CREB5: variants seen among roughly 807,000 people sequenced by gnomAD.
CREB5 encodes cyclic AMP-responsive element-binding protein 5.
A neutral mutation model predicts 57.1 loss-of-function variants in CREB5; 19 were observed. The ratio of observed to expected loss-of-function variants is 0.33; its 90% confidence interval spans 0.23 to 0.49. CREB5 has a LOEUF of 0.49. Ranked by LOEUF, CREB5 falls within the 20% of genes least tolerant of loss-of-function variation. The pLI, the probability that CREB5 is intolerant of heterozygous loss-of-function variation, is 0.99. For missense variants in CREB5, 579 were observed against 671.6 expected (o/e 0.86, Z 1.52); for synonymous variants, 238 against 238.3 (o/e 1.00, Z 0.01).
At chr7:28,601,260 A>G (rs1370309042) in intron 5 of CREB5, among the ~76,000 whole-genome samples, 1 of 151,992 alleles carries the variant, frequency 6.6e-6, no homozygotes, top group African/African-American at 2.4e-5. Flanking sequence ...GATTTGTTCT[A>G]CAGACATGGA....
intron 1 of CREB5, among the ~76,000 whole-genome samples, chr7:28,399,231 A>G (rs1787397189): frequency 6.6e-6 from 1 of 152,082 alleles, no homozygotes; most frequent in Non-Finnish European, 1.5e-5. Context: ...TAAAAGTTCT[A>G]TATGGCAAAA....
intron 1 of CREB5, among the ~76,000 whole-genome samples, chr7:28,457,166 A>C (rs1301369716): frequency 6.6e-6 from 1 of 152,152 alleles, no homozygotes; most frequent in Non-Finnish European, 1.5e-5. Context: ...TAATACCATT[A>C]ATTCATTCAT....
At chr7:28,813,554 T>C (rs1248352510) in intron 9 of CREB5, among the ~76,000 whole-genome samples, 1 of 152,086 alleles carries the variant, frequency 6.6e-6, no homozygotes, top group Admixed American at 6.5e-5. Context: ...TCAGCTAATC[T>C]ACCAAAACAA....
At chr7:28,622,276 C>A (rs148506609) in intron 5 of CREB5, among the ~76,000 whole-genome samples, 2 of 151,982 alleles carry the variant, frequency 1.3e-5, no homozygotes, top group African/African-American at 4.8e-5. Flanking sequence ...CACACACACA[C>A]ACACACACAC....
intron 1 of CREB5, among the ~76,000 whole-genome samples, chr7:28,479,769 A>G (rs1386703914): frequency 1.3e-5 from 2 of 152,198 alleles, no homozygotes; most frequent in African/African-American, 4.8e-5. Flanking sequence ...ATGTCTTTCA[A>G]GAGGAAGTCA....
intron 4 of CREB5, among the ~76,000 whole-genome samples, chr7:28,558,159 C>T (rs1018826183): frequency 6.6e-6 from 1 of 152,204 alleles, no homozygotes; most frequent in African/African-American, 2.4e-5. Flanking sequence ...TAAAATAAGA[C>T]AGACTAAGCC....
chr7:28,444,442 T>C (rs1291535442), intron 1 of CREB5, among the ~76,000 whole-genome samples: 2 of 152,042 alleles, frequency 1.3e-5, no homozygotes, highest in Admixed American at 6.6e-5. Context: ...AAGATGGACA[T>C]GGAGTGATGA....
chr7:28,318,186 T>C (rs1785415766), intron 1 of CREB5, among the ~76,000 whole-genome samples: 1 of 152,232 alleles, frequency 6.6e-6, no homozygotes, highest in Admixed American at 6.5e-5. Flanking sequence ...CCACAGCCTA[T>C]GTTTCTTCTA....
chr7:28,579,525 G>A (rs966087794), intron 5 of CREB5, among the ~76,000 whole-genome samples: 3 of 152,210 alleles, frequency 2.0e-5, no homozygotes, highest in African/African-American at 4.8e-5. Context: ...ACCCTTGTGA[G>A]CATTGGGTAG....
chr7:28,672,104 T>C (rs1351681621), intron 5 of CREB5, among the ~76,000 whole-genome samples: 1 of 150,600 alleles, frequency 6.6e-6, no homozygotes, highest in Admixed American at 6.6e-5. Flanking sequence ...AACAATTAAA[T>C]ACAAAAATCA....
intron 5 of CREB5, among the ~76,000 whole-genome samples, chr7:28,598,502 T>G (rs1796778029): frequency 6.6e-6 from 1 of 152,182 alleles, no homozygotes; most frequent in Non-Finnish European, 1.5e-5. Flanking sequence ...GGCCTGTGGA[T>G]TATTTCTATG....
Position 28,345,485 on chromosome 7 carries a change from G to A in CREB5, c.-25+46044G>A, listed in dbSNP as rs546938986. On this transcript the variant is annotated intron_variant, in intron 1 of 9. Transcript: ENST00000396299. ...CAGGGTTTGTTGTGATGGGGGATGG[G>A]GATGGGGTGAATGGTGCTGGGAGGG... is the stretch of plus-strand genomic sequence containing the variant. Among the ~76,000 whole-genome samples the A allele has an allele frequency of 2.6e-5, 4 of 152,246 alleles. No individual in the cohort carries two copies. The South Asian group carries it at 8.3e-4, about 32-fold the overall frequency.
intron 1 of CREB5, among the ~76,000 whole-genome samples, chr7:28,302,222 C>G (rs1785107898): frequency 6.6e-6 from 1 of 152,170 alleles, no homozygotes; most frequent in African/African-American, 2.4e-5. Flanking sequence ...ATAGCTGCAT[C>G]ACATTAAGTA....
chr7:28,631,942 G>T (rs557722438), intron 5 of CREB5, among the ~76,000 whole-genome samples: 1 of 152,278 alleles, frequency 6.6e-6, no homozygotes, highest in East Asian at 1.9e-4. Flanking sequence ...TAGGCATGGC[G>T]TCTTCAAAGC....
chr7:28,680,683 C>T (rs1425850397), intron 5 of CREB5, among the ~76,000 whole-genome samples: 2 of 151,252 alleles, frequency 1.3e-5, no homozygotes, highest in Non-Finnish European at 2.9e-5. Flanking sequence ...CATTTGAGCC[C>T]AGGAGGTCAA....
At chr7:28,782,579 A>G (rs1807051371) in intron 7 of CREB5, among the ~76,000 whole-genome samples, 1 of 152,234 alleles carries the variant, frequency 6.6e-6, no homozygotes. Flanking sequence ...ATTGCAACTG[A>G]TGAGGCAAAA....
intron 1 of CREB5, among the ~76,000 whole-genome samples, chr7:28,344,918 C>T (rs149831095): frequency 6.6e-6 from 1 of 152,212 alleles, no homozygotes; most frequent in African/African-American, 2.4e-5. Context: ...CACAGAATGA[C>T]ATTATTTAAT....
At chr7:28,585,608 C>T (rs1312969541) in intron 5 of CREB5, among the ~76,000 whole-genome samples, 1 of 152,142 alleles carries the variant, frequency 6.6e-6, no homozygotes, top group East Asian at 1.9e-4. Context: ...CTTTTTGAAG[C>T]GTCCTCTGCC....
At chr7:28,548,739 C>T (rs767237906) in intron 4 of CREB5, among the ~76,000 whole-genome samples, 11 of 152,046 alleles carry the variant, frequency 7.2e-5, no homozygotes, top group Admixed American at 5.2e-4. Flanking sequence ...CCAATTAGCC[C>T]GAATTATGTT....
Sources: gnomAD v4.1 joint callset for allele counts (sites outside exome capture counted in the v4.1 genomes callset) on GRCh38, gnomAD v4.1.1 for gene constraint, MANE v1.5 for transcripts, NCBI Gene and HGNC (gene_info 2026-07-23, HGNC 2026-07-21) for gene names.